Variants in CERT1 observed in about 807,000 individuals in gnomAD.
CERT1 encodes ceramide transporter 1.
A neutral mutation model predicts 87.9 loss-of-function variants in CERT1; 31 were observed. The ratio of observed to expected loss-of-function variants is 0.35; its 90% CI spans 0.27 to 0.48. CERT1 has a LOEUF of 0.48. CERT1 is among the 20% of genes least tolerant of loss of function. CERT1 has a pLI of 0.99. For missense variants in CERT1, 487 were observed against 758.0 expected (o/e 0.64, Z 4.20); for synonymous variants, 289 against 250.9 (o/e 1.15, Z -1.44).
chr5:75,434,144 T>C (rs1763987374), intron 3 of CERT1, among the ~76,000 whole-genome samples: 1 of 152,032 alleles, frequency 6.6e-6, no homozygotes, highest in Admixed American at 6.6e-5. Flanking sequence ...AGATGGCTTA[T>C]ATTGTTTTGA....
intron 10 of CERT1, 37 bp from the exon 11 acceptor site, chr5:75,399,424 G>C: frequency 6.7e-7 from 1 of 1,485,174 alleles, no homozygotes; most frequent in Non-Finnish European, 9.4e-7. Context: ...CAAGTAATCA[G>C]AACAAAGGCA....
intron 2 of CERT1, among the ~76,000 whole-genome samples, chr5:75,501,996 T>C (rs1767395665): frequency 6.6e-6 from 1 of 152,082 alleles, no homozygotes; most frequent in Admixed American, 6.5e-5. Context: ...CTAAGATTTC[T>C]CTAGGGCCTA....
At chr5:75,374,596 T>C (rs1761217434), downstream of CERT1, 1 of 696,118 alleles carries the variant, frequency 1.4e-6, no homozygotes, top group South Asian at 1.4e-5. Context: ...TGAAACACAG[T>C]GAAGGTCGCA....
chr5:75,486,023 T>C (rs1445610248), intron 2 of CERT1, among the ~76,000 whole-genome samples: 1 of 152,006 alleles, frequency 6.6e-6, no homozygotes, highest in Non-Finnish European at 1.5e-5. Flanking sequence ...ATTACCCAGA[T>C]ACCAAAAACA....
intron 2 of CERT1, among the ~76,000 whole-genome samples, chr5:75,465,806 T>C (rs1765431130): frequency 6.6e-6 from 1 of 152,140 alleles, no homozygotes; most frequent in South Asian, 2.1e-4. Flanking sequence ...TCTGTATTGG[T>C]CCTGTTATAG....
At chr5:75,400,163 C>T (rs1358021280) in intron 10 of CERT1, 42 bp downstream of exon 10, 2 of 1,328,012 alleles carry the variant, frequency 1.5e-6, no homozygotes, top group Non-Finnish European at 2.2e-6. Context: ...CAATGAAGAA[C>T]AATACAAGGT....
chr5:75,498,432 G>A (rs1010938525), intron 2 of CERT1, among the ~76,000 whole-genome samples: 19 of 152,192 alleles, frequency 1.2e-4, no homozygotes, highest in African/African-American at 4.3e-4. Flanking sequence ...GGTTTCCTGG[G>A]CTGGGCCCAG....
chr5:75,451,711 A>G (rs1208212240), intron 3 of CERT1, among the ~76,000 whole-genome samples: 2 of 152,194 alleles, frequency 1.3e-5, no homozygotes, highest in African/African-American at 4.8e-5. Context: ...TGACCTTGAT[A>G]TTTAAAAACT....
chr5:75,468,625 C>T (rs1048506042), intron 2 of CERT1, among the ~76,000 whole-genome samples: 6 of 152,128 alleles, frequency 3.9e-5, no homozygotes, highest in Non-Finnish European at 5.9e-5. Flanking sequence ...ACCTCAGTAA[C>T]AGGTAGGCCT....
intron 2 of CERT1, among the ~76,000 whole-genome samples, chr5:75,490,219 A>C (rs1168722345): frequency 1.3e-5 from 2 of 152,188 alleles, no homozygotes; most frequent in East Asian, 3.9e-4. Flanking sequence ...AAGGGGAGGC[A>C]TAGCATTAGC....
chr5:75,387,051 T>G (rs1761819843), intron 12 of CERT1, among the ~76,000 whole-genome samples: 1 of 152,098 alleles, frequency 6.6e-6, no homozygotes, highest in Non-Finnish European at 1.5e-5. Context: ...GTATTTTTAG[T>G]AGAGACAGGG....
chr5:75,403,429 G>A (rs765682780), intron 8 of CERT1, among the ~76,000 whole-genome samples: 1 of 152,208 alleles, frequency 6.6e-6, no homozygotes, highest in Non-Finnish European at 1.5e-5. Flanking sequence ...GTAATAATAT[G>A]ACATGTGTGA....
intron 2 of CERT1, among the ~76,000 whole-genome samples, chr5:75,476,322 G>T (rs1454608683): frequency 6.6e-6 from 1 of 151,688 alleles, no homozygotes; most frequent in Non-Finnish European, 1.5e-5. Flanking sequence ...CATGGAAATT[G>T]TGATTTTTTT....
At chr5:75,433,788 C>G (rs540175097) in intron 3 of CERT1, among the ~76,000 whole-genome samples, 3 of 152,300 alleles carry the variant, frequency 2.0e-5, no homozygotes, top group Admixed American at 6.5e-5. Flanking sequence ...TCCCAAGGGG[C>G]TGGGATTACA....
At chr5:75,452,142 A>G in intron 3 of CERT1, among the ~76,000 whole-genome samples, 1 of 152,192 alleles carries the variant, frequency 6.6e-6, no homozygotes, top group Non-Finnish European at 1.5e-5. Flanking sequence ...TGGCCTTCAC[A>G]AAGGGTAAGA....
At chr5:75,374,060 CA>C (rs1761185745), downstream of CERT1, 1 of 398,374 alleles carries the variant, frequency 2.5e-6, no homozygotes, top group Non-Finnish European at 4.4e-6. Context: ...AATATTTTGT[CA>C]TTTTTGTACA....
At chr5:75,455,363 T>C (rs1447126470) in intron 3 of CERT1, among the ~76,000 whole-genome samples, 1 of 152,190 alleles carries the variant, frequency 6.6e-6, no homozygotes, top group East Asian at 1.9e-4. Context: ...TTCCAAGAGT[T>C]TGTAGAATCC....
chr5:75,481,076 A>G (rs766848023), intron 2 of CERT1, among the ~76,000 whole-genome samples: 10 of 152,202 alleles, frequency 6.6e-5, no homozygotes, highest in African/African-American at 9.7e-5. Flanking sequence ...GCTCAGCATT[A>G]AAGTCAAAGT....
chr5:75,379,970 T>C (rs1356986541), intron 16 of CERT1, among the ~76,000 whole-genome samples: 1 of 152,174 alleles, frequency 6.6e-6, no homozygotes, highest in East Asian at 1.9e-4. Flanking sequence ...AAAGCATCTA[T>C]AACCTTTCTA....
Sources: allele counts gnomAD v4.1 joint callset (sites outside exome capture counted in the v4.1 genomes callset), GRCh38; gene constraint gnomAD v4.1.1; transcripts MANE v1.5; gene names NCBI Gene and HGNC (gene_info 2026-07-23, HGNC 2026-07-21).